The following LYAR variants were observed in gnomAD, a reference collection of about 807,000 sequenced individuals.
LYAR encodes the protein Ly1 antibody reactive, also known as cell growth-regulating nucleolar protein.
Under a neutral mutation model 45.2 loss-of-function variants are expected in LYAR, and 37 were observed. That is an observed-to-expected ratio of 0.82 (90% CI 0.63 to 1.08). The LOEUF is 1.08. Ranked by LOEUF, LYAR falls within the 50% of genes least tolerant of loss-of-function variation. The pLI is 0.00. For synonymous variants in LYAR, 176 were observed against 155.1 expected, an observed-to-expected ratio of 1.14 and a Z score of -1.00; for missense variants, 493 against 451.0, an observed-to-expected ratio of 1.09 and a Z score of -0.84.
chr4:4,275,437 T>C (rs1719139230), intron 6 of LYAR, among the ~76,000 whole-genome samples: 1 of 46,156 alleles, frequency 2.2e-5, no homozygotes, highest in South Asian at 9.3e-4. Flanking sequence ...ATTCTCATCA[T>C]TCTTTTTTTT....
chr4:4,280,011 T>A (rs533696159), intron 4 of LYAR, among the ~76,000 whole-genome samples: 2 of 152,352 alleles, frequency 1.3e-5, no homozygotes, highest in African/African-American at 2.4e-5. Flanking sequence ...TGTTCACAGA[T>A]GATGTGGTCT....
Position 4,267,796 on chromosome 4 carries a change from A to G in LYAR, c.*93T>C, listed in dbSNP as rs528049863. The G allele has an allele frequency of 3.6e-5, 40 of 1,120,128 alleles. No individual in the cohort carries two copies. In the African/African-American group the frequency reaches 5.9e-4, roughly 17 times the overall value. The allele number at this position is 1,120,128 out of a possible 1,614,324, so 69.4% of individuals were successfully genotyped here. A position where few individuals can be genotyped will look rare whatever the true frequency, so the allele number is the denominator to read the frequency against. On this transcript the variant is annotated 3_prime_UTR_variant, in exon 10 of 10. Transcript: ENST00000343470. ...TTAAAAATACAGCTTCAAAAAGCAAAATTTGAGTTGTTAGAATTCATTACA... is the reference window on the plus strand; with the variant it reads ...TTAAAAATACAGCTTCAAAAAGCAAGATTTGAGTTGTTAGAATTCATTACA...
At chr4:4,284,610 T>C (rs1457101460) in intron 2 of LYAR, among the ~76,000 whole-genome samples, 1 of 152,250 alleles carries the variant, frequency 6.6e-6, no homozygotes, top group East Asian at 1.9e-4. Context: ...AAGAAGTATG[T>C]CTGCACACGC....
At position 4,278,548 on chromosome 4, in the gene LYAR, A is replaced by G. The variant is rs531825814; in HGVS notation, c.429+899T>C. On this transcript the variant is annotated intron_variant, in intron 6 of 9. Transcript: ENST00000343470. ...CACACTGCTCATCTACCTTAACCGT[A>G]ACCTTCAGAGGCTGCTGTGACCCCC... Among the ~76,000 whole-genome samples the G allele has an allele frequency of 2.5e-4, 38 of 152,274 alleles. No homozygotes were observed. In the South Asian group the frequency reaches 7.9e-3, roughly 32 times the overall value.
At chr4:4,271,538 G>A (rs913145864) in intron 8 of LYAR, among the ~76,000 whole-genome samples, 26 of 152,098 alleles carry the variant, frequency 1.7e-4, no homozygotes, top group African/African-American at 6.3e-4. Context: ...CCAAACAGTG[G>A]GGCTGCTGGA....
chr4:4,286,887 G>A lies in LYAR; in HGVS notation c.-107-315C>T, dbSNP rs554260537. On this transcript the variant is annotated intron_variant, in intron 1 of 9. Coordinates refer to ENST00000343470, the MANE Select transcript of LYAR (RefSeq NM_017816.3). ...AGGATGGTCTCAATCTCCTGACCTC[G>A]TGATCCGCCTGCCTCGGCCTCCCAA... 8.1e-5 allele frequency among the ~76,000 whole-genome samples: 11 copies of A among 135,806 alleles called. No homozygotes were observed. The South Asian group carries it at 1.1e-3, about 14-fold the overall frequency. 89.1% of individuals were successfully genotyped at this position (135,806 alleles called of 152,430 possible).
chr4:4,272,448 T>C (rs1225802092), intron 8 of LYAR, among the ~76,000 whole-genome samples: 2 of 152,190 alleles, frequency 1.3e-5, no homozygotes, highest in African/African-American at 4.8e-5. Flanking sequence ...TCCCTAAATA[T>C]TCATTCATGC....
At chr4:4,272,530 T>G (rs1488599841) in intron 8 of LYAR, among the ~76,000 whole-genome samples, 1 of 152,136 alleles carries the variant, frequency 6.6e-6, no homozygotes, top group Non-Finnish European at 1.5e-5. Context: ...AATAGAACAA[T>G]TTTACAATAC....
intron 1 of LYAR, among the ~76,000 whole-genome samples, chr4:4,286,942 C>T (rs571665379): frequency 3.9e-5 from 6 of 152,272 alleles, no homozygotes; most frequent in South Asian, 4.1e-4. Flanking sequence ...TGAGCCACCG[C>T]GCCCGGCCTT....
rs184264019 is a variant in LYAR at position 4,283,638 on chromosome 4, G to A, written c.105C>T (p.Asp35=). The part of the protein sequence containing the change: ...CRNCECLSCI[D]CGKDFWGDDY... ...AAGCTTACCAGAAATCTTTACCGCA[G>A]TCAATGCAAGAAAGGCATTCACAGT... Residue 35 remains aspartate (D), a synonymous_variant, in exon 3 of 10, where the codon GAC becomes GAT. Coordinates refer to ENST00000343470, the MANE Select transcript of LYAR (RefSeq NM_017816.3). The A allele has an allele frequency of 2.6e-5, 42 of 1,612,268 alleles. No homozygotes were observed. The highest frequency in any genetic ancestry group is 1.3e-4 in the Admixed American group (8 of 59,986).
intron 6 of LYAR, among the ~76,000 whole-genome samples, chr4:4,277,872 T>G (rs958899172): frequency 6.6e-6 from 1 of 152,162 alleles, no homozygotes; most frequent in Non-Finnish European, 1.5e-5. Context: ...GGACAAGGCC[T>G]CAGGACCCTC....
chr4:4,276,552 A>C (rs1338236641), intron 6 of LYAR, among the ~76,000 whole-genome samples: 1 of 146,638 alleles, frequency 6.8e-6, no homozygotes, highest in Non-Finnish European at 1.5e-5. Flanking sequence ...TCAAAAAAAA[A>C]AAAAAAGAAA....
At chr4:4,278,509 G>C (rs1719277190) in intron 6 of LYAR, among the ~76,000 whole-genome samples, 1 of 152,158 alleles carries the variant, frequency 6.6e-6, no homozygotes, top group Non-Finnish European at 1.5e-5. Flanking sequence ...CTACCAGAAG[G>C]AAGGCGCTTC....
At chr4:4,283,995 C>A (rs1279656244) in intron 2 of LYAR, among the ~76,000 whole-genome samples, 200 bp from the exon 3 acceptor site, 3 of 152,206 alleles carry the variant, frequency 2.0e-5, no homozygotes, top group South Asian at 2.1e-4. Flanking sequence ...TGTGTCCTTA[C>A]CACGTGCCAG....
chr4:4,286,933 G>A (rs1320431887), intron 1 of LYAR, among the ~76,000 whole-genome samples: 1 of 152,146 alleles, frequency 6.6e-6, no homozygotes, highest in Non-Finnish European at 1.5e-5. Flanking sequence ...TTACAGGCGT[G>A]AGCCACCGCG....
intron 6 of LYAR, among the ~76,000 whole-genome samples, chr4:4,276,513 A>G (rs1306863294): frequency 2.0e-5 from 3 of 150,350 alleles, no homozygotes; most frequent in Middle Eastern, 3.2e-3. Context: ...ACTGCACTCC[A>G]GCCTGGGTGA....
intron 4 of LYAR, among the ~76,000 whole-genome samples, chr4:4,280,079 C>A (rs375375374): frequency 6.6e-6 from 1 of 152,120 alleles, no homozygotes; most frequent in African/African-American, 2.4e-5. Context: ...ACAAATCCAG[C>A]AAAGTTGCAG....
At position 4,281,764 on chromosome 4, in the gene LYAR, T is replaced by G; in HGVS notation, c.237+19A>C. 194 of 1,567,670 alleles carry G rather than the reference T, an allele frequency of 1.2e-4. No homozygotes were observed. Among genetic ancestry groups the G allele is most frequent in the Non-Finnish European group, 1.6e-4 (178 of 1,137,824 alleles). On this transcript the variant is annotated intron_variant, in intron 4 of 9. Transcript: ENST00000343470. The stretch of plus-strand genomic sequence containing the variant: ...GAAGCTGTCAGAGGAAGCTACTCAA[T>G]GAGTTAGAGAGACGTTACCTGAATC...
At chr4:4,282,020 G>A (rs1273749901) in intron 3 of LYAR, 123 bp from the exon 4 acceptor site, 2 of 626,908 alleles carry the variant, frequency 3.2e-6, no homozygotes, top group East Asian at 2.6e-5. Context: ...TATCACACAA[G>A]CACCCCATCT....
Sources: allele counts gnomAD v4.1 joint callset (sites outside exome capture counted in the v4.1 genomes callset), GRCh38; gene constraint gnomAD v4.1.1; transcripts MANE v1.5; gene names NCBI Gene and HGNC (gene_info 2026-07-23, HGNC 2026-07-21).